The following ADAMTSL1 variants were observed in gnomAD, a reference collection of about 807,000 sequenced individuals.
The protein encoded by ADAMTSL1 is ADAMTS like 1.
A neutral mutation model predicts 201.8 loss-of-function variants in ADAMTSL1; 126 were observed. That is an observed-to-expected ratio of 0.62 (90% CI 0.54 to 0.72). The LOEUF (loss-of-function observed/expected upper bound fraction) is 0.72, where lower values mean the gene tolerates loss of function less well. Ranked by LOEUF, ADAMTSL1 falls within the 30% of genes least tolerant of loss-of-function variation. The pLI, the probability that ADAMTSL1 is intolerant of heterozygous loss-of-function variation, is 0.00. For missense variants in ADAMTSL1, 2,679 were observed against 2,277.8 expected (o/e 1.18, Z -3.59); for synonymous variants, 1,121 against 903.4 (o/e 1.24, Z -4.32).
At chr9:18,033,552 CCTT>C (rs1234734054) in intron 1 of ADAMTSL1, among the ~76,000 whole-genome samples, 1 of 152,188 alleles carries the variant, frequency 6.6e-6, no homozygotes, top group African/African-American at 2.4e-5. Flanking sequence ...TAGGGAATGT[CCTT>C]CTAACCAGCC....
At chr9:18,653,668 A>C (rs776448130) in intron 7 of ADAMTSL1, among the ~76,000 whole-genome samples, 2 of 151,860 alleles carry the variant, frequency 1.3e-5, no homozygotes, top group Non-Finnish European at 2.9e-5. Flanking sequence ...GCTGAACTGC[A>C]CTATTTTCCA....
chr9:18,494,012 G>A (rs1345877218), intron 1 of ADAMTSL1, among the ~76,000 whole-genome samples: 1 of 152,152 alleles, frequency 6.6e-6, no homozygotes, highest in Non-Finnish European at 1.5e-5. Flanking sequence ...TATACTGGGT[G>A]GCTGACAAAT....
intron 2 of ADAMTSL1, among the ~76,000 whole-genome samples, chr9:18,295,054 C>T (rs530145194): frequency 6.6e-6 from 1 of 152,174 alleles, no homozygotes; most frequent in South Asian, 2.1e-4. Flanking sequence ...ATCCCATTTC[C>T]TCTTGCTGTA....
At chr9:18,828,702 T>TATATATATATA (rs1563836176) in intron 22 of ADAMTSL1, among the ~76,000 whole-genome samples, 1 of 65,498 alleles carries the variant, frequency 1.5e-5, no homozygotes, top group African/African-American at 5.1e-5. Flanking sequence ...ATAAAATGTG[T>TATATATATATA]GTGTGTGTAT....
chr9:18,295,311 C>T (rs889153253), intron 2 of ADAMTSL1, among the ~76,000 whole-genome samples: 1 of 151,224 alleles, frequency 6.6e-6, no homozygotes, highest in Non-Finnish European at 1.5e-5. Context: ...AAATAGAATT[C>T]AAGGATGGAG....
At chr9:18,823,794 G>C (rs1177158205) in intron 21 of ADAMTSL1, among the ~76,000 whole-genome samples, 2 of 152,194 alleles carry the variant, frequency 1.3e-5, no homozygotes, top group African/African-American at 4.8e-5. Context: ...TTCAACGCCA[G>C]CCTGGCCAAC....
At chr9:18,096,239 A>G (rs546259867) in intron 1 of ADAMTSL1, among the ~76,000 whole-genome samples, 3 of 152,354 alleles carry the variant, frequency 2.0e-5, no homozygotes, top group African/African-American at 7.2e-5. Context: ...AAAATGTTGC[A>G]TATATAATGT....
chr9:18,609,642 C>T (rs755097106), intron 4 of ADAMTSL1, among the ~76,000 whole-genome samples: 2 of 152,098 alleles, frequency 1.3e-5, no homozygotes, highest in Admixed American at 1.3e-4. Flanking sequence ...CCCTAAGGCA[C>T]CCTTTATAGC....
intron 1 of ADAMTSL1, among the ~76,000 whole-genome samples, chr9:18,094,610 G>A (rs1824163016): frequency 6.6e-6 from 1 of 151,744 alleles, no homozygotes; most frequent in Non-Finnish European, 1.5e-5. Flanking sequence ...TATAATCAGT[G>A]GTTTTGTCTT....
At chr9:18,651,635 GA>G (rs1333471826) in intron 7 of ADAMTSL1, among the ~76,000 whole-genome samples, 3 of 152,172 alleles carry the variant, frequency 2.0e-5, no homozygotes, top group Non-Finnish European at 4.4e-5. Context: ...TCTATAGTTG[GA>G]AAATTTGGTT....
At chr9:18,775,718 C>G (rs369277513) in intron 17 of ADAMTSL1, 25 bp from the exon 18 acceptor site, 1 of 1,608,904 alleles carries the variant, frequency 6.2e-7, no homozygotes, top group African/African-American at 1.3e-5. Flanking sequence ...AATTTATGTG[C>G]ATTTGGCCTT....
At chr9:18,792,185 T>C (rs1822104764) in intron 19 of ADAMTSL1, among the ~76,000 whole-genome samples, 1 of 152,080 alleles carries the variant, frequency 6.6e-6, no homozygotes, top group East Asian at 1.9e-4. Context: ...TCCTCCCTCC[T>C]CCCTCATGGT....
chr9:18,855,952 A>G (rs560478663), intron 23 of ADAMTSL1, among the ~76,000 whole-genome samples: 1 of 152,352 alleles, frequency 6.6e-6, no homozygotes, highest in Non-Finnish European at 1.5e-5. Context: ...GAAAATGACC[A>G]TGGCACTCTT....
intron 1 of ADAMTSL1, among the ~76,000 whole-genome samples, chr9:18,116,446 A>G (rs563738377): frequency 3.7e-4 from 57 of 152,282 alleles, no homozygotes; most frequent in African/African-American, 1.3e-3. Context: ...TGTTTCTGAC[A>G]TAAGGGCTCT....
chr9:18,428,098 C>G (rs1282740750), intron 2 of ADAMTSL1, among the ~76,000 whole-genome samples: 1 of 152,074 alleles, frequency 6.6e-6, no homozygotes, highest in African/African-American at 2.4e-5. Flanking sequence ...TACAGTCATC[C>G]AAGCATGGTA....
chr9:18,767,209 G>C (rs1481540954), intron 16 of ADAMTSL1, among the ~76,000 whole-genome samples: 11 of 152,292 alleles, frequency 7.2e-5, no homozygotes, highest in Non-Finnish European at 1.6e-4. Flanking sequence ...TGTTGAGTAG[G>C]CATAGGGGAG....
intron 26 of ADAMTSL1, 100 bp downstream of exon 26, chr9:18,892,696 C>T (rs573642768): frequency 2.2e-5 from 30 of 1,341,866 alleles, no homozygotes; most frequent in Non-Finnish European, 3.0e-5. Flanking sequence ...GCCACCTCCT[C>T]CTTTCACATT....
At chr9:17,907,246 A>G (rs1280389529) in intron 1 of ADAMTSL1, among the ~76,000 whole-genome samples, 1 of 152,026 alleles carries the variant, frequency 6.6e-6, no homozygotes, top group Non-Finnish European at 1.5e-5. Context: ...GTCATCCCCA[A>G]CAGTCCTCTA....
At chr9:18,510,859 C>T (rs1268100425) in intron 2 of ADAMTSL1, among the ~76,000 whole-genome samples, 5 of 152,056 alleles carry the variant, frequency 3.3e-5, no homozygotes, top group Admixed American at 3.3e-4. Flanking sequence ...AGCTGCTCCT[C>T]TCTCCAGTTC....
Sources: gnomAD v4.1 joint callset for allele counts (sites outside exome capture counted in the v4.1 genomes callset) on GRCh38, gnomAD v4.1.1 for gene constraint, MANE v1.5 for transcripts, NCBI Gene and HGNC (gene_info 2026-07-23, HGNC 2026-07-21) for gene names.